The following FAAH2 variants were observed in gnomAD, a reference collection of about 807,000 sequenced individuals.
FAAH2 encodes fatty-acid amide hydrolase 2.
FAAH2 carries 60 observed loss-of-function variants against 36.9 expected under a neutral mutation model. The observed-to-expected ratio is 1.63, with a 90% CI of 1.32 to 2.02. The LOEUF (loss-of-function observed/expected upper bound fraction) is 2.02. Among genes scored for constraint, FAAH2 ranks in the 30% most tolerant of loss-of-function variants. FAAH2 has a pLI of 0.00. For synonymous variants in FAAH2, 214 were observed against 143.8 expected, an observed-to-expected ratio of 1.49 and a Z score of -3.49; for missense variants, 689 against 397.5, an observed-to-expected ratio of 1.73 and a Z score of -6.23.
At position 57,312,578 on chromosome X, in the gene FAAH2, G is replaced by T. The variant is rs1032185801; in HGVS notation, c.412+1849G>T. ...ATCTGTAGTCCCAGCTACTTGGGAGGCTGAGGTAGGAGAATCGCTTGAACC... is the reference window on the plus strand; with the variant it reads ...ATCTGTAGTCCCAGCTACTTGGGAGTCTGAGGTAGGAGAATCGCTTGAACC... On this transcript the variant is annotated intron_variant, in intron 3 of 10. Coordinates refer to ENST00000374900, the MANE Select transcript of FAAH2 (RefSeq NM_174912.4). Among the ~76,000 whole-genome samples, 4 of 110,230 alleles carry T rather than the reference G, an allele frequency of 3.6e-5. No homozygotes were observed. The East Asian group carries it at 1.1e-3, about 32-fold the overall frequency.
chrX:57,406,702 C>T (rs768037125), intron 7 of FAAH2, among the ~76,000 whole-genome samples: 4 of 112,749 alleles, frequency 3.5e-5, no homozygotes, highest in African/African-American at 1.3e-4. Context: ...TTTGGGCAGA[C>T]GTCTTCCTGC....
intron 7 of FAAH2, among the ~76,000 whole-genome samples, chrX:57,409,433 T>C (rs1200041121): frequency 9.0e-6 from 1 of 111,721 alleles, no homozygotes; most frequent in Non-Finnish European, 1.9e-5. Context: ...TTTTTCCTCC[T>C]CTTTGATTTT....
the FAAH2 span, among the ~76,000 whole-genome samples, chrX:57,172,867 G>A: frequency 9.0e-6 from 1 of 111,686 alleles, no homozygotes; most frequent in Non-Finnish European, 1.9e-5. Flanking sequence ...CTCCTCTAAT[G>A]TGTTCCTCTC....
At chrX:57,370,595 A>G (rs1468751023) in intron 5 of FAAH2, among the ~76,000 whole-genome samples, 1 of 111,645 alleles carries the variant, frequency 9.0e-6, no homozygotes, top group Non-Finnish European at 1.9e-5. Context: ...TCAGATATAA[A>G]CTATACTCTA....
At chrX:57,144,442 C>T in the FAAH2 span, among the ~76,000 whole-genome samples, 2 of 106,763 alleles carry the variant, frequency 1.9e-5, no homozygotes, top group African/African-American at 6.8e-5. Flanking sequence ...GCAAGTAACT[C>T]TGTGGGTTTT....
At chrX:57,486,845 G>A (rs901291219) in intron 10 of FAAH2, among the ~76,000 whole-genome samples, 5 of 111,671 alleles carry the variant, frequency 4.5e-5, no homozygotes, top group African/African-American at 6.5e-5. Context: ...GGCTGGAGGG[G>A]CTATCTCCCA....
chrX:57,350,633 C>G (rs5914980), intron 5 of FAAH2, among the ~76,000 whole-genome samples: 60,141 of 109,777 alleles, frequency 0.55, 14,371 homozygotes, highest in Non-Finnish European at 0.75. Context: ...TTTAAAAGAA[C>G]TATTAACTGA....
At chrX:57,438,584 T>TTTTTTA (rs1376919956) in intron 8 of FAAH2, among the ~76,000 whole-genome samples, 3 of 110,579 alleles carry the variant, frequency 2.7e-5, no homozygotes, top group East Asian at 5.7e-4. Flanking sequence ...AAAACATTCT[T>TTTTTTA]TTTTTATTTT....
At chrX:57,256,403 C>T in the FAAH2 span, among the ~76,000 whole-genome samples, 1 of 111,681 alleles carries the variant, frequency 9.0e-6, no homozygotes, top group Non-Finnish European at 1.9e-5. Flanking sequence ...ACTTTCTTCA[C>T]AGAATTTGAT....
intron 2 of FAAH2, among the ~76,000 whole-genome samples, chrX:57,296,783 C>T (rs2052176782): frequency 1.8e-5 from 2 of 111,866 alleles, no homozygotes; most frequent in African/African-American, 6.5e-5. Flanking sequence ...CCGAAAACCA[C>T]AGCACCAGAA....
At chrX:57,411,529 T>C (rs1035821598) in intron 7 of FAAH2, among the ~76,000 whole-genome samples, 5 of 111,542 alleles carry the variant, frequency 4.5e-5, no homozygotes, top group Non-Finnish European at 9.4e-5. Flanking sequence ...TGGTAAGTAG[T>C]ATTCATGACT....
chrX:57,123,760 A>T, the FAAH2 span, among the ~76,000 whole-genome samples: 5 of 112,482 alleles, frequency 4.4e-5, no homozygotes, highest in South Asian at 7.4e-4. Context: ...CCAGTGATGA[A>T]GAGCATTTAT....
chrX:57,354,726 CT>C (rs972242715), intron 5 of FAAH2, among the ~76,000 whole-genome samples: 7 of 110,612 alleles, frequency 6.3e-5, no homozygotes, highest in African/African-American at 2.3e-4. Flanking sequence ...GATAAAAAGA[CT>C]AAGGGAACAT....
At chrX:57,229,145 G>A in the FAAH2 span, 1 of 111,734 alleles carries the variant, frequency 8.9e-6, no homozygotes. Flanking sequence ...AGAAAAACAA[G>A]CCAGACAAAA....
chrX:57,446,901 T>G (rs755143727), intron 8 of FAAH2, 27 bp from the exon 9 acceptor site: 20 of 1,118,676 alleles, frequency 1.8e-5, no homozygotes, highest in Non-Finnish European at 2.3e-5. Context: ...AATACTCTTG[T>G]ATTTTATTTC....
chrX:57,330,935 G>A (rs2053386825), intron 3 of FAAH2, among the ~76,000 whole-genome samples: 1 of 110,453 alleles, frequency 9.1e-6, no homozygotes, highest in African/African-American at 3.3e-5. Context: ...GTACTTAGGG[G>A]CTGCACTGCA....
At chrX:57,392,884 G>A (rs1294014780) in intron 7 of FAAH2, 1 of 817,024 alleles carries the variant, frequency 1.2e-6, no homozygotes, top group Non-Finnish European at 1.9e-6. Flanking sequence ...CCAAAGCCCT[G>A]CTTTGTGTAG....
intron 3 of FAAH2, among the ~76,000 whole-genome samples, chrX:57,328,018 G>T (rs914883282): frequency 9.0e-6 from 1 of 111,596 alleles, no homozygotes; most frequent in Non-Finnish European, 1.9e-5. Context: ...TGGGTTTTTG[G>T]TGTGGATGTC....
rs1166535767 is a variant in FAAH2, at chrX:57,442,037, T to G, written c.1117-4891T>G. ...GAGTACTTTACTTCCAACTATGTGG[T>G]CAATTTTGGAATAAGTGTGATGTGG... is the stretch of plus-strand genomic sequence containing the variant. On this transcript the variant is annotated intron_variant, in intron 8 of 10. Coordinates refer to ENST00000374900, the MANE Select transcript of FAAH2 (RefSeq NM_174912.4). 3.6e-5 allele frequency among the ~76,000 whole-genome samples: 4 copies of G among 111,827 alleles called. No individual in the cohort carries two copies. In the Admixed American group the frequency reaches 3.8e-4, roughly 11 times the overall value.
Sources: gnomAD v4.1 joint callset for allele counts (sites outside exome capture counted in the v4.1 genomes callset) on GRCh38, gnomAD v4.1.1 for gene constraint, MANE v1.5 for transcripts, NCBI Gene and HGNC (gene_info 2026-07-23, HGNC 2026-07-21) for gene names.